The following SBF2 variants were observed in gnomAD, a reference collection of about 807,000 sequenced individuals.
SBF2 encodes the protein SET binding factor 2.
SBF2 carries 112 observed loss-of-function variants against 225.2 expected under a neutral mutation model. That is an observed-to-expected ratio of 0.50 (90% confidence interval 0.43 to 0.58). The LOEUF (loss-of-function observed/expected upper bound fraction) is 0.58, where lower values mean the gene tolerates loss of function less well. Ranked by LOEUF, SBF2 falls within the 20% of genes least tolerant of loss-of-function variation. SBF2 has a pLI of 0.00. For missense variants in SBF2, 1,996 were observed against 2,206.2 expected (o/e 0.90, Z 1.91); for synonymous variants, 763 against 773.3 (o/e 0.99, Z 0.22).
intron 2 of SBF2, 23 bp from the exon 3 acceptor site, chr11:10,043,004 T>C (rs1949712170): frequency 6.2e-7 from 1 of 1,606,400 alleles, no homozygotes; most frequent in Non-Finnish European, 8.5e-7. Context: ...GAAAAAAAAA[T>C]GTAACATTTA....
chr11:9,950,266 A>G (rs959283811), intron 16 of SBF2, among the ~76,000 whole-genome samples: 3 of 152,150 alleles, frequency 2.0e-5, no homozygotes, highest in African/African-American at 4.8e-5. Flanking sequence ...ACAAATGACT[A>G]TAAGAGTGTT....
At chr11:9,921,160 T>A (rs1178928079) in intron 16 of SBF2, among the ~76,000 whole-genome samples, 1 of 142,004 alleles carries the variant, frequency 7.0e-6, no homozygotes, top group African/African-American at 2.6e-5. Flanking sequence ...AACTTCCACC[T>A]CTCGGGTTCA....
intron 2 of SBF2, among the ~76,000 whole-genome samples, chr11:10,135,402 A>G (rs1954299916): frequency 6.6e-6 from 1 of 152,154 alleles, no homozygotes; most frequent in Admixed American, 6.5e-5. Context: ...ACTTATGCAA[A>G]TTTCTGCAGC....
At position 10,073,515 on chromosome 11, in the gene SBF2, C is replaced by T. The variant is rs965466211; in HGVS notation, c.142-30534G>A. ...ATCACTTGAGGTCAGGAGTTTGAGACCAGCCTGGCCTACATGGCGAAACAC... is the reference window on the plus strand; with the variant it reads ...ATCACTTGAGGTCAGGAGTTTGAGATCAGCCTGGCCTACATGGCGAAACAC... On this transcript the variant is annotated intron_variant, in intron 2 of 39. Transcript: ENST00000256190. 5.3e-5 allele frequency among the ~76,000 whole-genome samples: 8 copies of T among 152,216 alleles called. No homozygotes were observed. The East Asian group carries it at 1.5e-3, about 29-fold the overall frequency.
chr11:10,189,409 C>G (rs1380516508), intron 2 of SBF2, among the ~76,000 whole-genome samples: 1 of 152,158 alleles, frequency 6.6e-6, no homozygotes, highest in Non-Finnish European at 1.5e-5. Context: ...GATTGCTACC[C>G]ATTTATTGTA....
chr11:9,998,430 T>A, intron 8 of SBF2, 51 bp from the exon 9 acceptor site: 1 of 1,003,716 alleles, frequency 1.0e-6, no homozygotes, highest in Non-Finnish European at 1.6e-6. Context: ...CATTTGTTGT[T>A]AAGCAAATTA....
chr11:10,123,337 T>G (rs1326336494), intron 2 of SBF2, among the ~76,000 whole-genome samples: 1 of 152,164 alleles, frequency 6.6e-6, no homozygotes, highest in Non-Finnish European at 1.5e-5. Context: ...AGTAGTTTAT[T>G]TATGACAGAC....
intron 3 of SBF2, among the ~76,000 whole-genome samples, chr11:10,039,265 A>G (rs1385799092): frequency 1.3e-5 from 2 of 151,948 alleles, no homozygotes; most frequent in Non-Finnish European, 2.9e-5. Flanking sequence ...AGAAAAGAAA[A>G]ACACATTTTT....
At chr11:10,003,077 A>G (rs1349155944) in intron 6 of SBF2, among the ~76,000 whole-genome samples, 4 of 152,140 alleles carry the variant, frequency 2.6e-5, no homozygotes, top group African/African-American at 7.2e-5. Flanking sequence ...TTTGCCTACT[A>G]TATCTTTTCT....
At chr11:10,291,394 T>C (rs1964148881) in intron 1 of SBF2, among the ~76,000 whole-genome samples, 3 of 152,184 alleles carry the variant, frequency 2.0e-5, no homozygotes, top group South Asian at 4.1e-4. Context: ...GTCTTCATCT[T>C]GGATTTCTCT....
intron 2 of SBF2, among the ~76,000 whole-genome samples, chr11:10,162,321 C>T (rs1198283619): frequency 2.6e-5 from 4 of 151,868 alleles, no homozygotes; most frequent in Non-Finnish European, 4.4e-5. Flanking sequence ...TGGAACTAAC[C>T]GAAATCTCTA....
chr11:10,201,927 T>C (rs1957583849), intron 1 of SBF2, among the ~76,000 whole-genome samples: 1 of 152,200 alleles, frequency 6.6e-6, no homozygotes, highest in Non-Finnish European at 1.5e-5. Context: ...ACAAGGTATG[T>C]CATTAAAAAT....
intron 1 of SBF2, among the ~76,000 whole-genome samples, chr11:10,292,656 G>C (rs193284572): frequency 1.4e-5 from 2 of 142,198 alleles, no homozygotes; most frequent in Non-Finnish European, 3.0e-5. Flanking sequence ...TCCAGCGTGG[G>C]CAACAGAGCA....
In SBF2 at chr11:10,146,353, G is replaced by A. The variant is rs140592702; in HGVS notation, c.141+47549C>T. ...AGGGCTACAGTAACCAAAACAGCAC[G>A]GGGCTGCCACAAAATCAGACACATA... On this transcript the variant is annotated intron_variant, in intron 2 of 39. Transcript: ENST00000256190. Among the ~76,000 whole-genome samples, 1,341 of 152,052 alleles carry A rather than the reference G, an allele frequency of 8.8e-3. 28 individuals carry two copies. The highest frequency in any genetic ancestry group is 0.031 in the African/African-American group (1,268 of 41,502).
chr11:10,253,367 AGGAGAT>A (rs1458655985), intron 1 of SBF2, among the ~76,000 whole-genome samples: 11 of 152,144 alleles, frequency 7.2e-5, no homozygotes, highest in African/African-American at 2.7e-4. Flanking sequence ...TCTTTTTGGG[AGGAGAT>A]GCAAGAGATA....
intron 13 of SBF2, among the ~76,000 whole-genome samples, chr11:9,971,484 G>T (rs894166284): frequency 1.3e-5 from 2 of 151,984 alleles, no homozygotes; most frequent in African/African-American, 4.8e-5. Context: ...TTCAAGACCA[G>T]TCTGGGCAAC....
At chr11:10,034,417 C>T (rs72858841) in intron 3 of SBF2, among the ~76,000 whole-genome samples, 7,921 of 152,270 alleles carry the variant, frequency 0.052, 295 homozygotes, top group Middle Eastern at 0.16. Context: ...GCTGATTGCA[C>T]GCAATAACTT....
Position 10,161,184 on chromosome 11 carries a change from CAAA to C in SBF2, c.141+32715_141+32717del, listed in dbSNP as rs56779207. Among the ~76,000 whole-genome samples, 45 of 75,328 alleles carry C rather than the reference CAAA, an allele frequency of 6.0e-4. 1 individual carries two copies. The highest frequency in any genetic ancestry group is 1.9e-3 in the African/African-American group (35 of 18,858). 49.4% of individuals were successfully genotyped at this position (75,328 alleles called of 152,430 possible). On this transcript the variant is annotated intron_variant, in intron 2 of 39. Coordinates refer to ENST00000256190, the MANE Select transcript of SBF2 (RefSeq NM_030962.4). ...TGGGCAACAAAGCAAGACTCTGTCT[CAAA>C]AAAAAAAAAAAAAAAAAAAATAGGT...
At chr11:10,250,643 A>G (rs1431210263) in intron 1 of SBF2, among the ~76,000 whole-genome samples, 1 of 152,192 alleles carries the variant, frequency 6.6e-6, no homozygotes, top group Non-Finnish European at 1.5e-5. Context: ...GTTTTATGTT[A>G]TAATAGTTAA....
Sources: gnomAD v4.1 joint callset for allele counts (sites outside exome capture counted in the v4.1 genomes callset) on GRCh38, gnomAD v4.1.1 for gene constraint, MANE v1.5 for transcripts, NCBI Gene and HGNC (gene_info 2026-07-23, HGNC 2026-07-21) for gene names.